The following PTPRD variants were observed in gnomAD, a reference collection of about 807,000 sequenced individuals.
PTPRD encodes protein tyrosine phosphatase receptor type D, also known as receptor-type tyrosine-protein phosphatase delta.
PTPRD carries 34 observed loss-of-function variants against 214.5 expected under a neutral mutation model. That is an observed-to-expected ratio of 0.16 (90% confidence interval 0.12 to 0.21). The LOEUF is 0.21. PTPRD is among the 10% of genes least tolerant of loss of function. The pLI is 1.00. For missense variants in PTPRD, 2,545 were observed against 2,398.7 expected, an observed-to-expected ratio of 1.06 and a Z score of -1.27; for synonymous variants, 1,128 against 845.7, an observed-to-expected ratio of 1.33 and a Z score of -5.79.
At chr9:9,471,019 T>A (rs2094550458) in intron 8 of PTPRD, among the ~76,000 whole-genome samples, 1 of 152,174 alleles carries the variant, frequency 6.6e-6, no homozygotes, top group African/African-American at 2.4e-5. Flanking sequence ...TCAATTTCCA[T>A]GGGAAATATC....
chr9:9,158,560 A>T (rs2099883394), intron 10 of PTPRD, among the ~76,000 whole-genome samples: 1 of 152,148 alleles, frequency 6.6e-6, no homozygotes, highest in Non-Finnish European at 1.5e-5. Flanking sequence ...AGATCGTGGC[A>T]CTGCACTCCA....
intron 35 of PTPRD, among the ~76,000 whole-genome samples, chr9:8,410,340 G>A (rs1398623436): frequency 2.0e-5 from 3 of 152,184 alleles, no homozygotes; most frequent in African/African-American, 7.2e-5. Flanking sequence ...AGAACAGGGT[G>A]TTAGCTTTCT....
chr9:10,022,314 C>G (rs1044041497), intron 4 of PTPRD, among the ~76,000 whole-genome samples: 4 of 123,646 alleles, frequency 3.2e-5, no homozygotes, highest in African/African-American at 1.3e-4. Context: ...ATAAACCCCT[C>G]TAACATAAGG....
rs149036521 is a variant in PTPRD, at chr9:9,184,753, G to A, written c.-202-1390C>T. Among the ~76,000 whole-genome samples, 9 of 152,058 alleles carry A rather than the reference G, an allele frequency of 5.9e-5. No individual in the cohort carries two copies. The East Asian group carries it at 7.8e-4, about 13-fold the overall frequency. ...GTCTTGTTTGAGGTTTTAGCTGAGC[G>A]CTTGACACAGAAAATAGCATATACT... On this transcript the variant is annotated intron_variant, in intron 9 of 45. Coordinates refer to ENST00000381196, the MANE Select transcript of PTPRD (RefSeq NM_002839.4).
chr9:8,758,142 A>C (rs963804024), intron 11 of PTPRD, among the ~76,000 whole-genome samples: 10 of 152,240 alleles, frequency 6.6e-5, no homozygotes, highest in Non-Finnish European at 1.2e-4. Flanking sequence ...GAGATGCAGG[A>C]AGGATTTTGA....
At chr9:9,854,047 A>G (rs1011745422) in intron 5 of PTPRD, among the ~76,000 whole-genome samples, 4 of 152,182 alleles carry the variant, frequency 2.6e-5, no homozygotes, top group Admixed American at 6.5e-5. Flanking sequence ...AATATACATT[A>G]TCATTAACTC....
chr9:9,811,809 C>A (rs2047233455), intron 5 of PTPRD, among the ~76,000 whole-genome samples: 1 of 152,236 alleles, frequency 6.6e-6, no homozygotes, highest in Middle Eastern at 3.4e-3. Context: ...ATTACATAAA[C>A]CTAGTTAATA....
intron 11 of PTPRD, among the ~76,000 whole-genome samples, chr9:8,983,085 C>A (rs2099321770): frequency 6.6e-6 from 1 of 151,690 alleles, no homozygotes; most frequent in Non-Finnish European, 1.5e-5. Context: ...TTCTTTTTTT[C>A]ATAAATCATT....
chr9:9,451,114 C>A (rs1345412761), intron 8 of PTPRD, among the ~76,000 whole-genome samples: 1 of 151,630 alleles, frequency 6.6e-6, no homozygotes, highest in East Asian at 1.9e-4. Context: ...CCAAAGTCAG[C>A]ATTACCCTCT....
At chr9:9,352,058 T>G (rs1018026935) in intron 9 of PTPRD, among the ~76,000 whole-genome samples, 18 of 152,030 alleles carry the variant, frequency 1.2e-4, no homozygotes, top group African/African-American at 4.1e-4. Flanking sequence ...TCCTCCTGCC[T>G]TGACTTCCCA....
rs754610072 is a variant in PTPRD at position 9,606,965 on chromosome 9, T to TAAAAAAAAAAAA, written c.-286-32196_-286-32185dup. Among the ~76,000 whole-genome samples the TAAAAAAAAAAAA allele has an allele frequency of 5.1e-4, 14 of 27,488 alleles. 3 individuals carry two copies. The Admixed American group carries it at 6.0e-3, about 12-fold the overall frequency. 18.0% of individuals were successfully genotyped at this position (27,488 alleles called of 152,430 possible). Reference sequence around the variant, plus strand: ...GCAGTATCTGATTACTCAGCACTGCTAAAAAAAAAAAAAAAAAAAAAAAAA... The same window carrying TAAAAAAAAAAAA: ...GCAGTATCTGATTACTCAGCACTGCTAAAAAAAAAAAAAAAAAAAAAAAAAAAAAAAAAAAAA... On this transcript the variant is annotated intron_variant, in intron 7 of 45. Transcript: ENST00000381196.
At chr9:8,707,031 C>T (rs931637129) in intron 12 of PTPRD, among the ~76,000 whole-genome samples, 3 of 152,194 alleles carry the variant, frequency 2.0e-5, no homozygotes, top group Non-Finnish European at 4.4e-5. Context: ...CAGGGATCAG[C>T]TCCAATCAAT....
chr9:8,890,645 C>A (rs1473126136), intron 11 of PTPRD, among the ~76,000 whole-genome samples: 1 of 152,160 alleles, frequency 6.6e-6, no homozygotes, highest in Admixed American at 6.5e-5. Context: ...TATATCCATT[C>A]CTAGAACAAA....
chr9:9,684,295 C>G (rs1026751357), intron 7 of PTPRD, among the ~76,000 whole-genome samples: 4 of 151,676 alleles, frequency 2.6e-5, no homozygotes, highest in Non-Finnish European at 4.4e-5. Flanking sequence ...GGACTAGTCA[C>G]CATGACACTC....
At chr9:9,324,269 T>A (rs1968500385) in intron 9 of PTPRD, among the ~76,000 whole-genome samples, 1 of 152,198 alleles carries the variant, frequency 6.6e-6, no homozygotes, top group Non-Finnish European at 1.5e-5. Flanking sequence ...CGCCACACTG[T>A]CTTCCGCAGT....
intron 10 of PTPRD, among the ~76,000 whole-genome samples, chr9:9,155,983 T>G (rs183309635): frequency 6.6e-6 from 1 of 152,112 alleles, no homozygotes; most frequent in Non-Finnish European, 1.5e-5. Context: ...ACCTTGTAAC[T>G]TGGTCATTCT....
intron 7 of PTPRD, among the ~76,000 whole-genome samples, chr9:9,718,984 ACCTGAAG>A (rs968621220): frequency 6.6e-6 from 1 of 152,148 alleles, no homozygotes; most frequent in Admixed American, 6.5e-5. Context: ...GCCAGGGATG[ACCTGAAG>A]CCTGGGGGCC....
chr9:9,370,381 T>A (rs867978651), intron 9 of PTPRD, among the ~76,000 whole-genome samples: 59 of 152,120 alleles, frequency 3.9e-4, no homozygotes, highest in African/African-American at 1.3e-3. Context: ...CAACTGTGAA[T>A]GGGAGTTCAC....
At chr9:8,558,062 T>A (rs1285060656) in intron 14 of PTPRD, among the ~76,000 whole-genome samples, 1 of 152,158 alleles carries the variant, frequency 6.6e-6, no homozygotes, top group Non-Finnish European at 1.5e-5. Context: ...AGCCTTTGAT[T>A]CTTTTCCCGA....
Sources: gnomAD v4.1 joint callset for allele counts (sites outside exome capture counted in the v4.1 genomes callset) on GRCh38, gnomAD v4.1.1 for gene constraint, MANE v1.5 for transcripts, NCBI Gene and HGNC (gene_info 2026-07-23, HGNC 2026-07-21) for gene names.